The following PDE4D variants were observed in gnomAD, a reference collection of about 807,000 sequenced individuals.
PDE4D encodes the protein phosphodiesterase 4D.
Under a neutral mutation model 87.4 loss-of-function variants are expected in PDE4D, and 24 were observed. The ratio of observed to expected loss-of-function variants is 0.27; its 90% confidence interval spans 0.20 to 0.39. The LOEUF is 0.39. Ranked by LOEUF, PDE4D falls within the 10% of genes least tolerant of loss-of-function variation. PDE4D has a pLI of 1.00. For synonymous variants in PDE4D, 384 were observed against 383.2 expected, an observed-to-expected ratio of 1.00 and a Z score of -0.02; for missense variants, 714 against 1,041.0, an observed-to-expected ratio of 0.69 and a Z score of 4.32.
intron 1 of PDE4D, among the ~76,000 whole-genome samples, chr5:60,286,954 T>G (rs1218994719): frequency 6.6e-6 from 1 of 152,216 alleles, no homozygotes; most frequent in Non-Finnish European, 1.5e-5. Context: ...ACATCAAGTA[T>G]GAAAGGTATG....
At chr5:60,156,289 T>C (rs1195046887) in intron 2 of PDE4D, among the ~76,000 whole-genome samples, 1 of 152,228 alleles carries the variant, frequency 6.6e-6, no homozygotes, top group Non-Finnish European at 1.5e-5. Context: ...GTGCCCATTT[T>C]TCACTAGTCC....
intron 1 of PDE4D, among the ~76,000 whole-genome samples, chr5:59,666,602 G>A (rs1460384591): frequency 6.6e-6 from 1 of 152,206 alleles, no homozygotes; most frequent in Non-Finnish European, 1.5e-5. Flanking sequence ...CACTGCATTT[G>A]GATGCTGTTG....
intron 1 of PDE4D, among the ~76,000 whole-genome samples, chr5:60,371,103 G>A (rs1760989455): frequency 1.3e-5 from 2 of 152,144 alleles, no homozygotes; most frequent in Admixed American, 1.3e-4. Context: ...GAGTTCTAGT[G>A]CTGAACTAAC....
At chr5:59,921,503 C>T (rs768479889) in intron 3 of PDE4D, among the ~76,000 whole-genome samples, 3 of 152,036 alleles carry the variant, frequency 2.0e-5, no homozygotes, top group Non-Finnish European at 2.9e-5. Context: ...TTAAATATAT[C>T]ACTGATTTTT....
intron 1 of PDE4D, among the ~76,000 whole-genome samples, chr5:60,391,355 C>A (rs1762550993): frequency 6.6e-6 from 1 of 152,160 alleles, no homozygotes. Context: ...GCTACTTTAA[C>A]AAATTACCAT....
chr5:60,463,112 T>A (rs1385122783), intron 1 of PDE4D, among the ~76,000 whole-genome samples: 1 of 152,086 alleles, frequency 6.6e-6, no homozygotes, highest in Non-Finnish European at 1.5e-5. Context: ...AAATCAAAGA[T>A]AAATAGTATA....
intron 5 of PDE4D, among the ~76,000 whole-genome samples, chr5:59,061,138 T>A (rs1318650153): frequency 6.6e-6 from 1 of 152,154 alleles, no homozygotes; most frequent in African/African-American, 2.4e-5. Context: ...TGTAAAGTCA[T>A]TAAAAACTGG....
intron 1 of PDE4D, among the ~76,000 whole-genome samples, chr5:60,479,908 T>G (rs112112754): frequency 0.036 from 5,543 of 152,282 alleles, 114 homozygotes; most frequent in Middle Eastern, 0.088. Context: ...ATTTTATACA[T>G]AGGTTTTAGA....
At chr5:60,199,954 T>A (rs1741718150) in intron 1 of PDE4D, among the ~76,000 whole-genome samples, 1 of 151,606 alleles carries the variant, frequency 6.6e-6, no homozygotes, top group Non-Finnish European at 1.5e-5. Context: ...GAGAACAGAA[T>A]TAGAGTATTA....
chr5:59,508,470 T>C (rs1402384293), intron 1 of PDE4D, among the ~76,000 whole-genome samples: 1 of 152,110 alleles, frequency 6.6e-6, no homozygotes, highest in African/African-American at 2.4e-5. Flanking sequence ...GCAAATCCTC[T>C]TTCGAAAAAT....
At chr5:59,059,541 C>A (rs189709881) in intron 5 of PDE4D, among the ~76,000 whole-genome samples, 13 of 152,174 alleles carry the variant, frequency 8.5e-5, no homozygotes, top group African/African-American at 3.1e-4. Context: ...ACATGAAGAG[C>A]ATCAGACAGT....
chr5:59,267,135 C>G (rs1310271548), intron 1 of PDE4D, among the ~76,000 whole-genome samples: 6 of 152,044 alleles, frequency 3.9e-5, no homozygotes, highest in African/African-American at 1.4e-4. Context: ...CAGTTACTTG[C>G]TATTCTATAA....
chr5:60,167,453 A>G (rs1294814324), intron 2 of PDE4D, among the ~76,000 whole-genome samples: 3 of 151,562 alleles, frequency 2.0e-5, no homozygotes, highest in Non-Finnish European at 4.4e-5. Flanking sequence ...TATTTTTAGT[A>G]GAGACGGGGT....
At chr5:59,122,758 T>C (rs1312425434) in intron 5 of PDE4D, among the ~76,000 whole-genome samples, 3 of 152,236 alleles carry the variant, frequency 2.0e-5, no homozygotes, top group African/African-American at 7.2e-5. Flanking sequence ...ACATTTACAA[T>C]GTTGTGCAAC....
intron 1 of PDE4D, among the ~76,000 whole-genome samples, chr5:59,612,565 T>C (rs1356175756): frequency 6.6e-6 from 1 of 151,718 alleles, no homozygotes; most frequent in East Asian, 1.9e-4. Context: ...GTAGGAGAGA[T>C]GAAAAATAAA....
At chr5:60,498,064 C>T (rs533900932) in intron 1 of PDE4D, among the ~76,000 whole-genome samples, 5 of 152,240 alleles carry the variant, frequency 3.3e-5, no homozygotes, top group African/African-American at 1.2e-4. Flanking sequence ...TCCATTCAAA[C>T]TTAAATCTTG....
chr5:59,931,952 T>C lies in PDE4D; in HGVS notation c.272+56536A>G, dbSNP rs575801109. ...TCCTGACCTCGTAATCTGCCCGCCT[T>C]GGCCTCCCAAAGTGCTGGGATTACA... On this transcript the variant is annotated intron_variant, in intron 3 of 16. Transcript: ENST00000502484. Among the ~76,000 whole-genome samples the C allele has an allele frequency of 3.5e-4, 54 of 152,214 alleles. 1 individual carries two copies. Among genetic ancestry groups the C allele is most frequent in the South Asian group, 1.2e-3 (6 of 4,818 alleles).
intron 1 of PDE4D, among the ~76,000 whole-genome samples, chr5:60,416,590 G>T (rs993446674): frequency 6.6e-6 from 1 of 152,170 alleles, no homozygotes; most frequent in Non-Finnish European, 1.5e-5. Context: ...CCACCAGAAG[G>T]AGGAAACTCC....
intron 1 of PDE4D, among the ~76,000 whole-genome samples, chr5:59,660,190 AAAATAAATAAAT>A (rs201345419): frequency 2.2e-4 from 34 of 151,736 alleles, no homozygotes; most frequent in African/African-American, 7.3e-4. Flanking sequence ...CTCTGTCGCC[AAAATAAATAAAT>A]AAATAAATAA....
Sources: allele counts gnomAD v4.1 joint callset (sites outside exome capture counted in the v4.1 genomes callset), GRCh38; gene constraint gnomAD v4.1.1; transcripts MANE v1.5; gene names NCBI Gene and HGNC (gene_info 2026-07-23, HGNC 2026-07-21).